Variants in CNTNAP2 observed in about 807,000 individuals in gnomAD.
CNTNAP2 encodes contactin-associated protein-like 2.
In CNTNAP2, 98 loss-of-function variants were observed where a neutral mutation model predicts 155.2. That is an observed-to-expected ratio of 0.63 (90% CI 0.54 to 0.75). CNTNAP2 has a LOEUF of 0.75. Among genes scored for constraint, CNTNAP2 ranks in the 30% least tolerant of loss-of-function variants. The pLI is 0.00. For missense variants in CNTNAP2, 1,727 were observed against 1,688.1 expected, an observed-to-expected ratio of 1.02 and a Z score of -0.40; for synonymous variants, 651 against 631.2, an observed-to-expected ratio of 1.03 and a Z score of -0.47.
At chr7:146,184,256 A>G (rs1037980346) in intron 1 of CNTNAP2, among the ~76,000 whole-genome samples, 1 of 152,220 alleles carries the variant, frequency 6.6e-6, no homozygotes, top group African/African-American at 2.4e-5. Flanking sequence ...TGATTAATCA[A>G]TTGATAAAAT....
intron 13 of CNTNAP2, among the ~76,000 whole-genome samples, chr7:147,650,001 T>C (rs1795426149): frequency 6.6e-6 from 1 of 152,122 alleles, no homozygotes; most frequent in Non-Finnish European, 1.5e-5. Context: ...TTTGCTTCCA[T>C]CTGTACATAC....
intron 1 of CNTNAP2, among the ~76,000 whole-genome samples, chr7:146,642,203 A>G (rs1799721232): frequency 6.6e-6 from 1 of 151,410 alleles, no homozygotes; most frequent in Non-Finnish European, 1.5e-5. Context: ...ACATGTGCAC[A>G]ATGTGCAGGT....
chr7:147,930,695 A>C (rs1800485144), intron 14 of CNTNAP2, among the ~76,000 whole-genome samples: 1 of 152,190 alleles, frequency 6.6e-6, no homozygotes, highest in Non-Finnish European at 1.5e-5. Flanking sequence ...GACCAAGTGG[A>C]CCTAACGGAC....
chr7:147,907,338 G>C (rs1245725038), intron 14 of CNTNAP2, among the ~76,000 whole-genome samples: 1 of 152,202 alleles, frequency 6.6e-6, no homozygotes, highest in African/African-American at 2.4e-5. Context: ...TTACAGGCTT[G>C]AGCCATCGCG....
At chr7:146,896,386 C>T (rs1795877585) in intron 3 of CNTNAP2, among the ~76,000 whole-genome samples, 1 of 152,064 alleles carries the variant, frequency 6.6e-6, no homozygotes, top group South Asian at 2.1e-4. Context: ...TAGGCAGTCT[C>T]CCTAATTCCC....
chr7:146,178,806 A>C (rs377697401), intron 1 of CNTNAP2, among the ~76,000 whole-genome samples: 39 of 152,200 alleles, frequency 2.6e-4, no homozygotes, highest in African/African-American at 7.7e-4. Context: ...TTCTGTTCTT[A>C]TCATCATACA....
intron 1 of CNTNAP2, among the ~76,000 whole-genome samples, chr7:146,243,966 T>C (rs536101036): frequency 6.6e-6 from 1 of 152,238 alleles, no homozygotes; most frequent in East Asian, 1.9e-4. Flanking sequence ...TGTGGGAACC[T>C]AGAGTGGGAG....
intron 21 of CNTNAP2, among the ~76,000 whole-genome samples, chr7:148,319,043 C>G (rs936778016): frequency 2.0e-5 from 3 of 152,212 alleles, no homozygotes; most frequent in Non-Finnish European, 4.4e-5. Flanking sequence ...GCATTACAAG[C>G]TATTCCTGAA....
At chr7:146,163,581 C>CTATATATATATATATATATA (rs1491503784) in intron 1 of CNTNAP2, among the ~76,000 whole-genome samples, 1 of 84,924 alleles carries the variant, frequency 1.2e-5, no homozygotes, top group African/African-American at 4.9e-5. Context: ...ATCTATCTAT[C>CTATATATATATATATATATA]TATCTATATA....
chr7:148,390,809 T>TTGTTACCTCTCCAATGTCC, intron 22 of CNTNAP2, among the ~76,000 whole-genome samples: 1 of 152,228 alleles, frequency 6.6e-6, no homozygotes, highest in Non-Finnish European at 1.5e-5. Context: ...CAAACACTAT[T>TTGTTACCTCTCCAATGTCC]TGTTACCTCT....
chr7:148,303,914 C>G (rs1797440837), intron 21 of CNTNAP2, among the ~76,000 whole-genome samples: 1 of 152,148 alleles, frequency 6.6e-6, no homozygotes, highest in Admixed American at 6.5e-5. Context: ...CCACTGCATC[C>G]TTTTAAGATA....
At chr7:146,600,840 T>C (rs1218189424) in intron 1 of CNTNAP2, among the ~76,000 whole-genome samples, 2 of 152,278 alleles carry the variant, frequency 1.3e-5, no homozygotes, top group African/African-American at 4.8e-5. Flanking sequence ...TATTTTATAC[T>C]GAAATATATT....
chr7:148,388,812 G>T (rs1799277803), intron 22 of CNTNAP2, among the ~76,000 whole-genome samples: 2 of 152,196 alleles, frequency 1.3e-5, no homozygotes, highest in South Asian at 4.1e-4. Flanking sequence ...GACCCTGTTT[G>T]CCTGGGTATC....
chr7:146,744,128 T>C (rs908382311), intron 1 of CNTNAP2, among the ~76,000 whole-genome samples: 9 of 146,122 alleles, frequency 6.2e-5, no homozygotes, highest in Admixed American at 5.8e-4. Flanking sequence ...ATTGGGAGGC[T>C]GAGGCAGGAG....
chr7:147,498,369 C>T (rs978990226), intron 11 of CNTNAP2, among the ~76,000 whole-genome samples: 6 of 152,228 alleles, frequency 3.9e-5, no homozygotes, highest in African/African-American at 4.8e-5. Flanking sequence ...ACCTATTTTC[C>T]GCTTTTACCA....
intron 8 of CNTNAP2, among the ~76,000 whole-genome samples, chr7:147,261,075 A>G (rs1360613490): frequency 6.6e-6 from 1 of 152,210 alleles, no homozygotes; most frequent in African/African-American, 2.4e-5. Flanking sequence ...AACCACTTGT[A>G]ATAAACATGT....
At chr7:147,458,478 T>C (rs553707175) in intron 10 of CNTNAP2, among the ~76,000 whole-genome samples, 2 of 152,118 alleles carry the variant, frequency 1.3e-5, no homozygotes, top group Non-Finnish European at 2.9e-5. Flanking sequence ...CTTTCATCAG[T>C]GAAAATGAAA....
intron 15 of CNTNAP2, among the ~76,000 whole-genome samples, chr7:148,113,187 G>A (rs187954283): frequency 2.9e-3 from 436 of 152,240 alleles, no homozygotes; most frequent in Non-Finnish European, 3.5e-3. Context: ...CACAGTTCCC[G>A]CAGGCTGTAC....
At chr7:147,805,663 T>C (rs1197566549) in intron 13 of CNTNAP2, among the ~76,000 whole-genome samples, 1 of 152,256 alleles carries the variant, frequency 6.6e-6, no homozygotes, top group African/African-American at 2.4e-5. Flanking sequence ...AAATGCTTTT[T>C]CTAGCCTCTA....
Sources: allele counts gnomAD v4.1 joint callset (sites outside exome capture counted in the v4.1 genomes callset), GRCh38; gene constraint gnomAD v4.1.1; transcripts MANE v1.5; gene names NCBI Gene and HGNC (gene_info 2026-07-23, HGNC 2026-07-21).